Variants in NLRC5 observed in about 807,000 individuals in gnomAD.
The protein encoded by NLRC5 is NLR family CARD domain containing 5.
A neutral mutation model predicts 206.9 loss-of-function variants in NLRC5; 114 were observed. That is an observed-to-expected ratio of 0.55 (90% confidence interval 0.47 to 0.64). The LOEUF is 0.64. Among genes scored for constraint, NLRC5 ranks in the 30% least tolerant of loss-of-function variants. NLRC5 has a pLI of 0.00. For missense variants in NLRC5, 2,008 were observed against 2,305.5 expected (o/e 0.87, Z 2.64); for synonymous variants, 952 against 962.8 (o/e 0.99, Z 0.21).
chr16:57,039,921 A>G, intron 16 of NLRC5, 72 bp downstream of exon 16: 1 of 1,281,858 alleles, frequency 7.8e-7, no homozygotes, highest in Non-Finnish European at 1.1e-6. Context: ...ACAGCTGGGC[A>G]GTGCCAGTCA....
Position 57,054,625 on chromosome 16 carries a change from C to T in NLRC5, c.3507-126C>T, listed in dbSNP as rs149949530. 9.1e-4 allele frequency: 697 copies of T among 764,936 alleles called. 1 individual carries two copies. The highest frequency in any genetic ancestry group is 1.4e-3 in the Non-Finnish European group (569 of 419,654). 47.4% of individuals were successfully genotyped at this position (764,936 alleles called of 1,614,324 possible). A position where few individuals can be genotyped will look rare whatever the true frequency, so the allele number is the denominator to read the frequency against. On this transcript the variant is annotated intron_variant, in intron 24 of 48. Coordinates refer to ENST00000688547, the MANE Select transcript of NLRC5 (RefSeq NM_001384950.1). Reference sequence around the variant, plus strand: ...CTCAGCCCTATTTGTGCCTCTTGATCCCCTGCCTGCTTCCCTATTGCCTTG... The same window carrying T: ...CTCAGCCCTATTTGTGCCTCTTGATTCCCTGCCTGCTTCCCTATTGCCTTG...
In NLRC5 at chr16:57,025,553, G is replaced by T; in HGVS notation, c.610G>T (p.Gly204Cys). Reference protein sequence around the residue: ...AIMGDVKVEDGADVSISDLFN... With the variant: ...AIMGDVKVEDCADVSISDLFN... ...TATGGGGGACGTCAAGGTGGAAGAT[G>T]GTGCTGACGTGAGCATCTCGGACCT... The change falls in exon 6 of 49, where the codon GGT becomes TGT. Residue 204 changes from glycine to cysteine, a missense_variant. Coordinates refer to ENST00000688547, the MANE Select transcript of NLRC5 (RefSeq NM_001384950.1). The T allele has an allele frequency of 6.2e-7, 1 of 1,613,786 alleles. No homozygotes were observed. The highest frequency in any genetic ancestry group is 1.1e-5 in the South Asian group (1 of 91,076).
chr16:57,024,874 G>A (rs1436041095), intron 5 of NLRC5, among the ~76,000 whole-genome samples: 1 of 152,154 alleles, frequency 6.6e-6, no homozygotes, highest in Non-Finnish European at 1.5e-5. Flanking sequence ...GCTGGGTGTG[G>A]TGGTGTGCAC....
At chr16:57,051,750 C>T (rs543744549) in intron 24 of NLRC5, 129 bp downstream of exon 24, 18 of 658,208 alleles carry the variant, frequency 2.7e-5, no homozygotes, top group South Asian at 1.1e-4. Flanking sequence ...CCCCTCTACC[C>T]GCTCCATTCT....
rs770236357 is a variant in NLRC5 at position 57,020,968 on chromosome 16, C to G, written c.256C>G (p.Leu86Val). Reference sequence around the variant, plus strand: ...CATGCAGCTGGAGGTGCCTCTGGACCTGGAGGTGCTGCTGCTGAGTACTTT... The same window carrying G: ...CATGCAGCTGGAGGTGCCTCTGGACGTGGAGGTGCTGCTGCTGAGTACTTT... ...VCMQLEVPLD[L>V]EVLLLSTFGY... The change falls in exon 3 of 49, where the codon CTG becomes GTG. Residue 86 changes from leucine to valine, a missense_variant. Leu to Val is a conservative substitution (Grantham distance 32). Coordinates refer to ENST00000688547, the MANE Select transcript of NLRC5 (RefSeq NM_001384950.1). The G allele has an allele frequency of 8.7e-6, 14 of 1,613,800 alleles. No individual in the cohort carries two copies. Among genetic ancestry groups the G allele is most frequent in the East Asian group, 2.2e-5 (1 of 44,860 alleles).
intron 13 of NLRC5, among the ~76,000 whole-genome samples, chr16:57,035,821 C>G (rs1426865489): frequency 6.6e-6 from 1 of 152,228 alleles, no homozygotes; most frequent in African/African-American, 2.4e-5. Context: ...TAACTTTACT[C>G]TGCACTTAAC....
intron 21 of NLRC5, 40 bp from the exon 22 acceptor site, chr16:57,046,512 G>A (rs1386207545): frequency 1.3e-6 from 2 of 1,561,498 alleles, no homozygotes; most frequent in South Asian, 2.2e-5. Flanking sequence ...AGTCCGAGGG[G>A]GTGATCTGAA....
chr16:57,056,119 G>A (rs1597382694), intron 27 of NLRC5, among the ~76,000 whole-genome samples: 1 of 152,192 alleles, frequency 6.6e-6, no homozygotes, highest in South Asian at 2.1e-4. Flanking sequence ...GAGGGTGTAA[G>A]AACTTGCCCA....
rs1022103798 is a variant in NLRC5 at position 57,047,489 on chromosome 16, A to G, written c.3339-56A>G. 8 of 1,464,654 alleles carry G rather than the reference A, an allele frequency of 5.5e-6. No individual in the cohort carries two copies. The African/African-American group carries it at 9.7e-5, about 18-fold the overall frequency. The allele number at this position is 1,464,654 out of a possible 1,614,324, so 90.7% of individuals were successfully genotyped here. A position where few individuals can be genotyped will look rare whatever the true frequency, so the allele number is the denominator to read the frequency against. ...GGAGAAGGATAGAGCCCCTGGGGCT[A>G]GCCAGGGACCCTGGGCTTTCTCTGA... On this transcript the variant is annotated intron_variant, in intron 22 of 48. Coordinates refer to ENST00000688547, the MANE Select transcript of NLRC5 (RefSeq NM_001384950.1).
chr16:57,076,680 C>A (rs2068443866), intron 39 of NLRC5, 139 bp from the exon 40 acceptor site: 1 of 734,518 alleles, frequency 1.4e-6, no homozygotes, highest in South Asian at 1.6e-5. Context: ...CCCCACCTGC[C>A]ATGACCCCCA....
At chr16:57,052,241 G>C (rs1402742572) in intron 24 of NLRC5, among the ~76,000 whole-genome samples, 1 of 152,240 alleles carries the variant, frequency 6.6e-6, no homozygotes, top group African/African-American at 2.4e-5. Context: ...GGGAGGCCGA[G>C]GCGGGCAGAT....
Position 57,078,032 on chromosome 16 carries a change from C to T in NLRC5, c.5081+12C>T. On this transcript the variant is annotated intron_variant, in intron 43 of 48. Coordinates refer to ENST00000688547, the MANE Select transcript of NLRC5 (RefSeq NM_001384950.1). ...CTGAGGGTCCTACAGTGAGTGGCCC[C>T]CTGCCCATACCATGCAGGGCTGGTG... The T allele has an allele frequency of 6.3e-7, 1 of 1,578,034 alleles. No individual in the cohort carries two copies. Among genetic ancestry groups the T allele is most frequent in the African/African-American group, 1.3e-5 (1 of 74,310 alleles).
Position 57,059,307 on chromosome 16 carries a change from C to T in NLRC5, c.3921-160C>T, listed in dbSNP as rs1482234846. On this transcript the variant is annotated intron_variant, in intron 29 of 48. Transcript: ENST00000688547. Reference sequence around the variant, plus strand: ...GGAAGGCCAGGTATTGCCATGCTCACAGAATGAGTTTGGGGGTCTCCTCTG... The same window carrying T: ...GGAAGGCCAGGTATTGCCATGCTCATAGAATGAGTTTGGGGGTCTCCTCTG... The T allele has an allele frequency of 2.0e-6, 3 of 1,465,204 alleles. No homozygotes were observed. The African/African-American group carries it at 4.3e-5, about 21-fold the overall frequency. The allele number at this position is 1,465,204 out of a possible 1,614,324, so 90.8% of individuals were successfully genotyped here.
Position 57,032,315 on chromosome 16 carries a change from C to G in NLRC5, c.2477+852C>G, listed in dbSNP as rs181593761. The stretch of plus-strand genomic sequence containing the variant: ...CTCAAGATGCTGACGTTGGGAGGAT[C>G]GCTTGAGCCTGGGAGCTTGAGCCAT... On this transcript the variant is annotated intron_variant, in intron 11 of 48. Coordinates refer to ENST00000688547, the MANE Select transcript of NLRC5 (RefSeq NM_001384950.1). 2.9e-4 allele frequency among the ~76,000 whole-genome samples: 44 copies of G among 151,850 alleles called. No individual in the cohort carries two copies. The East Asian group carries it at 8.4e-3, about 29-fold the overall frequency.
chr16:57,081,269 C>A, intron 47 of NLRC5, 88 bp downstream of exon 47: 1 of 1,313,490 alleles, frequency 7.6e-7, no homozygotes, highest in Non-Finnish European at 1.1e-6. Flanking sequence ...AGTCCCCTGC[C>A]TCCCAGAAAG....
Position 57,042,041 on chromosome 16 carries a change from G to C in NLRC5, c.3089G>C (p.Gly1030Ala). The stretch of plus-strand genomic sequence containing the variant: ...GCCCGGCTGGCTCAGCTGCTCCCAG[G>C]GCTGGGAGCTCTGCAGTCCTTGAAG... ...GAARLAQLLP[G>A]LGALQSLNLS... is the part of the protein sequence containing the mutation. The change falls in exon 19 of 49, where the codon GGG becomes GCG. Residue 1030 changes from glycine (G) to alanine (A), a missense_variant. Transcript: ENST00000688547. The C allele has an allele frequency of 6.4e-7, 1 of 1,568,154 alleles. No homozygotes were observed. Among genetic ancestry groups the C allele is most frequent in the East Asian group, 2.4e-5 (1 of 42,226 alleles).
At chr16:57,058,243 AGCACC>A in intron 28 of NLRC5, 95 bp downstream of exon 28, 2 of 1,029,562 alleles carry the variant, frequency 1.9e-6, no homozygotes, top group Non-Finnish European at 1.5e-6. Context: ...CATCCCCCAG[AGCACC>A]AGAGGACAAG....
intron 37 of NLRC5, among the ~76,000 whole-genome samples, chr16:57,070,169 A>C (rs1351585062): frequency 6.6e-6 from 1 of 152,116 alleles, no homozygotes; most frequent in Non-Finnish European, 1.5e-5. Context: ...TGCCTTATCT[A>C]TGAAAATGGG....
chr16:57,051,574 G>A lies in NLRC5; in HGVS notation c.3459G>A (p.Glu1153=). ...SCEFLSDQSL[E]TLLDCLPQLP... ...AGTTCCTGAGTGACCAGAGCCTGGA[G>A]ACTCTACTGGACTGCTTACCTCAAC... The change falls in exon 24 of 49, where the codon GAG becomes GAA. Residue 1153 remains glutamate (E), a synonymous_variant. Coordinates refer to ENST00000688547, the MANE Select transcript of NLRC5 (RefSeq NM_001384950.1). The A allele has an allele frequency of 6.2e-7, 1 of 1,614,172 alleles. No homozygotes were observed. The highest frequency in any genetic ancestry group is 1.1e-5 in the South Asian group (1 of 91,090).
Sources: gnomAD v4.1 joint callset for allele counts (sites outside exome capture counted in the v4.1 genomes callset) on GRCh38, gnomAD v4.1.1 for gene constraint, MANE v1.5 for transcripts, NCBI Gene and HGNC (gene_info 2026-07-23, HGNC 2026-07-21) for gene names.